Variants in CNNM2 observed in about 807,000 individuals in gnomAD.
CNNM2 encodes the protein metal transporter CNNM2.
CNNM2 carries 12 observed loss-of-function variants against 66.9 expected under a neutral mutation model. The ratio of observed to expected loss-of-function variants is 0.18; its 90% CI spans 0.11 to 0.29. The LOEUF (loss-of-function observed/expected upper bound fraction) is 0.29, where lower values mean the gene tolerates loss of function less well. CNNM2 is among the 10% of genes least tolerant of loss of function. CNNM2 has a pLI of 1.00. For missense variants in CNNM2, 705 were observed against 1,167.7 expected, an observed-to-expected ratio of 0.60 and a Z score of 5.77; for synonymous variants, 557 against 501.8, an observed-to-expected ratio of 1.11 and a Z score of -1.47.
In CNNM2 at chr10:103,089,248, T is replaced by A. The variant is rs2066100322; in HGVS notation, c.*12068T>A. 1 of 222,756 alleles carries A rather than the reference T, an allele frequency of 4.5e-6. No individual in the cohort carries two copies. 13.8% of individuals were successfully genotyped at this position (222,756 alleles called of 1,614,324 possible). ...TCCACTGATATACAATACCATGTAA[T>A]GCACTGGAAAAGTTGGACCTTGGAG... On this transcript the variant is annotated 3_prime_UTR_variant, in exon 8 of 8. Transcript: ENST00000369878.
At position 103,053,140 on chromosome 10, in the gene CNNM2, A is replaced by G. The variant is rs10883824; in HGVS notation, c.1766-1189A>G. 0.4 allele frequency among the ~76,000 whole-genome samples: 61,049 copies of G among 152,062 alleles called. 12,420 individuals are homozygous for G. The highest frequency in any genetic ancestry group is 0.49 in the East Asian group (2,516 of 5,176). ...GCAGGAGTTACCTTCCAGGTCAGGA[A>G]CTGGTAAACCAAAGCCCATGGGTGC... On this transcript the variant is annotated intron_variant, in intron 2 of 7. Coordinates refer to ENST00000369878, the MANE Select transcript of CNNM2 (RefSeq NM_017649.5).
chr10:103,018,686 C>CTTTTTTTTTTTTT (rs370000130), intron 1 of CNNM2, among the ~76,000 whole-genome samples: 6 of 116,272 alleles, frequency 5.2e-5, no homozygotes, highest in South Asian at 2.9e-4. Context: ...CTCTTCTTTC[C>CTTTTTTTTTTTTT]TTTTTTTTTT....
intron 4 of CNNM2, among the ~76,000 whole-genome samples, chr10:103,063,336 C>T (rs1194688387): frequency 6.6e-6 from 1 of 152,170 alleles, no homozygotes; most frequent in Non-Finnish European, 1.5e-5. Flanking sequence ...CCTGGCATCT[C>T]ATCACCTGCT....
At position 102,929,957 on chromosome 10, in the gene CNNM2, T is replaced by C. The variant is rs973561929; in HGVS notation, c.1621+9856T>C. 1.4e-4 allele frequency among the ~76,000 whole-genome samples: 21 copies of C among 152,218 alleles called. 1 individual carries two copies. Among genetic ancestry groups the C allele is most frequent in the Non-Finnish European group, 1.3e-4 (9 of 68,028 alleles). On this transcript the variant is annotated intron_variant, in intron 1 of 7. Coordinates refer to ENST00000369878, the MANE Select transcript of CNNM2 (RefSeq NM_017649.5). The stretch of plus-strand genomic sequence containing the variant: ...CAAGTTTGTATTGCTTATAGCAGTG[T>C]AAATTTATAATGATTTTGGAAGGCA...
At chr10:102,947,910 G>A (rs553236711) in intron 1 of CNNM2, among the ~76,000 whole-genome samples, 6 of 152,136 alleles carry the variant, frequency 3.9e-5, no homozygotes, top group South Asian at 2.1e-4. Context: ...AAAATTAGCC[G>A]GGCGTGGTGG....
At chr10:103,008,142 ATT>A (rs144059170) in intron 1 of CNNM2, among the ~76,000 whole-genome samples, 2 of 145,276 alleles carry the variant, frequency 1.4e-5, no homozygotes, top group African/African-American at 2.5e-5. Flanking sequence ...TTGCTGGAGG[ATT>A]TTTTTTTTTT....
intron 1 of CNNM2, among the ~76,000 whole-genome samples, chr10:102,948,264 G>A (rs1174379154): frequency 6.6e-6 from 1 of 152,158 alleles, no homozygotes; most frequent in Non-Finnish European, 1.5e-5. Flanking sequence ...AAACTCATCT[G>A]CATGTGCTGT....
At chr10:102,924,456 T>C (rs1469779167) in intron 1 of CNNM2, among the ~76,000 whole-genome samples, 1 of 152,212 alleles carries the variant, frequency 6.6e-6, no homozygotes, top group African/African-American at 2.4e-5. Flanking sequence ...CAGATAATGT[T>C]GTTCTTCAAG....
At chr10:103,027,898 G>A (rs1320354924) in intron 1 of CNNM2, among the ~76,000 whole-genome samples, 2 of 152,118 alleles carry the variant, frequency 1.3e-5, no homozygotes, top group Admixed American at 6.6e-5. Flanking sequence ...ATTTACAGAC[G>A]GTCAAAGTGG....
At chr10:103,026,731 T>C (rs2064715071) in intron 1 of CNNM2, among the ~76,000 whole-genome samples, 1 of 152,058 alleles carries the variant, frequency 6.6e-6, no homozygotes, top group Non-Finnish European at 1.5e-5. Flanking sequence ...AAGCATTCAG[T>C]GTGCTGTGGG....
chr10:103,025,962 CATCAGGT>C (rs1006906421), intron 1 of CNNM2, among the ~76,000 whole-genome samples: 1 of 152,190 alleles, frequency 6.6e-6, no homozygotes, highest in African/African-American at 2.4e-5. Context: ...GTGATTGGGT[CATCAGGT>C]TCCTCGTGAA....
At chr10:103,056,676 A>T in intron 3 of CNNM2, 119 bp from the exon 4 acceptor site, 1 of 975,386 alleles carries the variant, frequency 1.0e-6, no homozygotes, top group Admixed American at 2.1e-5. Flanking sequence ...AGCCTCGTCC[A>T]TTCAAATGCT....
intron 1 of CNNM2, among the ~76,000 whole-genome samples, chr10:102,992,924 T>C (rs1385928191): frequency 1.3e-5 from 2 of 152,184 alleles, no homozygotes; most frequent in East Asian, 3.8e-4. Context: ...TTGATAGTGG[T>C]AAACAGTAGA....
intron 1 of CNNM2, among the ~76,000 whole-genome samples, chr10:103,029,361 A>G (rs1002020641): frequency 9.3e-5 from 14 of 151,138 alleles, no homozygotes; most frequent in African/African-American, 3.2e-4. Flanking sequence ...CCAGCTCCTC[A>G]GGAGGCTGAG....
chr10:102,996,647 A>G (rs1238113894), intron 1 of CNNM2, among the ~76,000 whole-genome samples: 2 of 152,226 alleles, frequency 1.3e-5, no homozygotes, highest in African/African-American at 4.8e-5. Context: ...TTGCCCTACT[A>G]TATTCCAGCC....
chr10:102,985,492 T>G (rs1469817992), intron 1 of CNNM2, among the ~76,000 whole-genome samples: 2 of 152,178 alleles, frequency 1.3e-5, no homozygotes, highest in Non-Finnish European at 2.9e-5. Context: ...TTATGGTCCC[T>G]TTCTTCCAAG....
rs979745690 is a variant in CNNM2, at chr10:103,086,656, T to G, written c.*9476T>G. The G allele has an allele frequency of 6.6e-6, 1 of 152,228 alleles. No homozygotes were observed. Among genetic ancestry groups the G allele is most frequent in the African/African-American group, 2.4e-5 (1 of 41,458 alleles). 9.4% of individuals were successfully genotyped at this position (152,228 alleles called of 1,614,324 possible). ...AACTGCATGTGGCTTTTTAAAGTGG[T>G]TTCTTAACAATGCTAATGTGACTTA... On this transcript the variant is annotated 3_prime_UTR_variant, in exon 8 of 8. Transcript: ENST00000369878.
chr10:102,922,061 A>G (rs1845660101), intron 1 of CNNM2, among the ~76,000 whole-genome samples: 1 of 152,188 alleles, frequency 6.6e-6, no homozygotes, highest in Non-Finnish European at 1.5e-5. Flanking sequence ...TATTCTTTAA[A>G]TGATGGAATT....
intron 1 of CNNM2, among the ~76,000 whole-genome samples, chr10:102,976,425 CTTTTTTTTTTTTTT>C (rs1206577839): frequency 2.9e-5 from 1 of 34,690 alleles, no homozygotes; most frequent in Non-Finnish European, 5.1e-5. Context: ...CAATTCTTGC[CTTTTTTTTTTTTTT>C]TTTTTTTTTT....
Sources: gnomAD v4.1 joint callset for allele counts (sites outside exome capture counted in the v4.1 genomes callset) on GRCh38, gnomAD v4.1.1 for gene constraint, MANE v1.5 for transcripts, NCBI Gene and HGNC (gene_info 2026-07-23, HGNC 2026-07-21) for gene names.